The following PDE4D variants were observed in gnomAD, a reference collection of about 807,000 sequenced individuals.
PDE4D encodes phosphodiesterase 4D, also known as 3',5'-cyclic-AMP phosphodiesterase 4D.
In PDE4D, 24 loss-of-function variants were observed where a neutral mutation model predicts 87.4. The observed-to-expected ratio is 0.27, with a 90% CI of 0.20 to 0.39. PDE4D has a LOEUF of 0.39. Ranked by LOEUF, PDE4D falls within the 10% of genes least tolerant of loss-of-function variation. PDE4D has a pLI of 1.00. For missense variants in PDE4D, 714 were observed against 1,041.0 expected (o/e 0.69, Z 4.32); for synonymous variants, 384 against 383.2 (o/e 1.00, Z -0.02).
At chr5:59,747,141 A>G (rs1168228960) in intron 1 of PDE4D, among the ~76,000 whole-genome samples, 1 of 152,122 alleles carries the variant, frequency 6.6e-6, no homozygotes, top group East Asian at 1.9e-4. Context: ...CATGACAGAT[A>G]ACGGTGCCCC....
chr5:59,372,919 T>C (rs568798500), intron 1 of PDE4D, among the ~76,000 whole-genome samples: 2 of 152,276 alleles, frequency 1.3e-5, no homozygotes, highest in African/African-American at 4.8e-5. Context: ...GAGCTGAGTG[T>C]TGGACCCCTA....
chr5:59,460,997 A>G (rs776891063), intron 1 of PDE4D, among the ~76,000 whole-genome samples: 7 of 152,176 alleles, frequency 4.6e-5, no homozygotes, highest in Non-Finnish European at 8.8e-5. Context: ...GAAGGAACAC[A>G]CTTGTCCTCA....
chr5:59,893,360 G>A lies in PDE4D; in HGVS notation c.263C>T (p.Pro88Leu). Residue 88 changes from proline to leucine, a missense_variant, in exon 1 of 15, where the codon CCC becomes CTC. By Grantham distance (98) the Pro-to-Leu change is moderately conservative. Transcript: ENST00000340635. ...PPPLPPPPPP[P>L]GAARGRYASS... The stretch of plus-strand genomic sequence containing the variant: ...GGCGTAGCGGCCGCGGGCAGCCCCG[G>A]GCGGCGGCGGGGGCGGCGGCAGGGG... 1.6e-6 allele frequency: 2 copies of A among 1,257,176 alleles called. No individual in the cohort carries two copies. The highest frequency in any genetic ancestry group is 3.4e-5 in the South Asian group (1 of 29,548). 77.9% of individuals were successfully genotyped at this position (1,257,176 alleles called of 1,614,324 possible).
chr5:58,995,994 TG>T, intron 6 of PDE4D, among the ~76,000 whole-genome samples: 1 of 152,122 alleles, frequency 6.6e-6, no homozygotes, highest in Middle Eastern at 3.4e-3. Context: ...TGCAGGGACA[TG>T]GATGAAGCTG....
intron 1 of PDE4D, among the ~76,000 whole-genome samples, chr5:59,587,888 G>A (rs2153702387): frequency 6.6e-6 from 1 of 152,114 alleles, no homozygotes; most frequent in South Asian, 2.1e-4. Flanking sequence ...AAATACGGAG[G>A]GAGGATTTTT....
intron 1 of PDE4D, among the ~76,000 whole-genome samples, chr5:59,300,238 T>C (rs754219501): frequency 3.3e-5 from 5 of 152,118 alleles, no homozygotes; most frequent in Non-Finnish European, 5.9e-5. Context: ...AGATCAGATG[T>C]TGGCAAATGA....
intron 2 of PDE4D, among the ~76,000 whole-genome samples, chr5:60,015,496 G>A (rs1765416672): frequency 6.6e-6 from 1 of 152,202 alleles, no homozygotes; most frequent in Non-Finnish European, 1.5e-5. Context: ...CAGCTGCTAT[G>A]CTGTAAAGAA....
intron 2 of PDE4D, among the ~76,000 whole-genome samples, chr5:60,154,593 G>T (rs1411223828): frequency 1.3e-5 from 2 of 152,054 alleles, no homozygotes; most frequent in African/African-American, 4.8e-5. Flanking sequence ...TCTTATTGAA[G>T]AATAATATGT....
intron 1 of PDE4D, among the ~76,000 whole-genome samples, chr5:60,203,787 A>T (rs1742190572): frequency 6.6e-6 from 1 of 152,178 alleles, no homozygotes; most frequent in Non-Finnish European, 1.5e-5. Context: ...TGGAGATAGG[A>T]TGTAATATTT....
At chr5:60,199,672 T>C (rs947898023) in intron 1 of PDE4D, among the ~76,000 whole-genome samples, 6 of 151,632 alleles carry the variant, frequency 4.0e-5, no homozygotes, top group African/African-American at 1.4e-4. Flanking sequence ...CGAAAGCATA[T>C]AAATGAAAAA....
At chr5:60,382,505 G>T (rs1217274496) in intron 1 of PDE4D, among the ~76,000 whole-genome samples, 1 of 152,036 alleles carries the variant, frequency 6.6e-6, no homozygotes, top group Non-Finnish European at 1.5e-5. Flanking sequence ...TTCCTCCAGA[G>T]GTGATTTTTT....
At chr5:59,507,278 G>C (rs527390736) in intron 1 of PDE4D, among the ~76,000 whole-genome samples, 7 of 152,264 alleles carry the variant, frequency 4.6e-5, no homozygotes, top group African/African-American at 1.4e-4. Flanking sequence ...GCTGCAGTGA[G>C]ACGAGTTCGT....
intron 1 of PDE4D, among the ~76,000 whole-genome samples, chr5:59,886,767 T>C (rs977733216): frequency 1.3e-5 from 2 of 151,446 alleles, no homozygotes; most frequent in African/African-American, 4.8e-5. Flanking sequence ...TTTCATGGGG[T>C]TTACAAAAGG....
intron 1 of PDE4D, among the ~76,000 whole-genome samples, chr5:60,297,446 T>C (rs1364921217): frequency 6.6e-6 from 1 of 152,188 alleles, no homozygotes; most frequent in African/African-American, 2.4e-5. Flanking sequence ...CTCTGAAATT[T>C]AAAGGGTTTG....
intron 1 of PDE4D, among the ~76,000 whole-genome samples, chr5:60,364,961 G>T (rs114218478): frequency 6.6e-6 from 1 of 152,036 alleles, no homozygotes. Flanking sequence ...TGATAGACTC[G>T]CTTCAGAAAA....
At chr5:59,215,552 CGTGTGTGTGTGTGTGTGTGT>C (rs10693866) in intron 2 of PDE4D, 2 of 364,214 alleles carry the variant, frequency 5.5e-6, no homozygotes, top group African/African-American at 2.5e-5. Context: ...TAAATACATG[CGTGTGTGTGTGTGTGTGTGT>C]GTGTGTGTGT....
intron 2 of PDE4D, among the ~76,000 whole-genome samples, chr5:60,024,344 T>C (rs1033161057): frequency 6.6e-6 from 1 of 152,196 alleles, no homozygotes; most frequent in South Asian, 2.1e-4. Context: ...CTATGCTTAG[T>C]TGCATTTCTT....
chr5:59,345,031 G>A (rs997198272), intron 1 of PDE4D, among the ~76,000 whole-genome samples: 64 of 151,872 alleles, frequency 4.2e-4, no homozygotes, highest in African/African-American at 1.5e-3. Context: ...CTTTGGAGAT[G>A]ACATAAAAAT....
intron 2 of PDE4D, among the ~76,000 whole-genome samples, chr5:60,119,412 T>C (rs796741065): frequency 5.3e-5 from 8 of 152,330 alleles, no homozygotes; most frequent in African/African-American, 1.9e-4. Flanking sequence ...CTGGATATCT[T>C]TCCTCCAGTG....
Sources: allele counts gnomAD v4.1 joint callset (sites outside exome capture counted in the v4.1 genomes callset), GRCh38; gene constraint gnomAD v4.1.1; transcripts MANE v1.5; gene names NCBI Gene and HGNC (gene_info 2026-07-23, HGNC 2026-07-21).